Variants in UVRAG observed in about 807,000 individuals in gnomAD.
UVRAG encodes UV radiation resistance associated.
UVRAG carries 19 observed loss-of-function variants against 78.0 expected under a neutral mutation model. The observed-to-expected ratio is 0.24, with a 90% confidence interval of 0.17 to 0.36. The LOEUF (loss-of-function observed/expected upper bound fraction) is 0.36, where lower values mean the gene tolerates loss of function less well. Among genes scored for constraint, UVRAG ranks in the 10% least tolerant of loss-of-function variants. The pLI, the probability that UVRAG is intolerant of heterozygous loss-of-function variation, is 1.00. For missense variants in UVRAG, 740 were observed against 853.8 expected, an observed-to-expected ratio of 0.87 and a Z score of 1.66; for synonymous variants, 323 against 324.6, an observed-to-expected ratio of 1.00 and a Z score of 0.05.
At chr11:76,012,036 A>G (rs1950060278) in intron 11 of UVRAG, among the ~76,000 whole-genome samples, 1 of 152,172 alleles carries the variant, frequency 6.6e-6, no homozygotes, top group Non-Finnish European at 1.5e-5. Context: ...ATATAGTAAC[A>G]TAGGCTGGGC....
intron 1 of UVRAG, among the ~76,000 whole-genome samples, chr11:75,838,660 G>C (rs1945840175): frequency 6.6e-6 from 1 of 152,102 alleles, no homozygotes; most frequent in Non-Finnish European, 1.5e-5. Flanking sequence ...GCCTGCATTT[G>C]TAATTTTGAT....
intron 13 of UVRAG, among the ~76,000 whole-genome samples, chr11:76,113,017 T>C (rs1952107479): frequency 6.6e-6 from 1 of 152,158 alleles, no homozygotes; most frequent in Non-Finnish European, 1.5e-5. Flanking sequence ...TGGCCAGTTT[T>C]AAGATTTTTG....
intron 7 of UVRAG, among the ~76,000 whole-genome samples, chr11:75,978,235 C>T (rs190901223): frequency 6.6e-6 from 1 of 152,210 alleles, no homozygotes; most frequent in Admixed American, 6.5e-5. Flanking sequence ...GCCAAGAGAT[C>T]CGCTGTTAGT....
intron 11 of UVRAG, among the ~76,000 whole-genome samples, chr11:76,011,175 TA>T (rs1436272688): frequency 6.6e-6 from 1 of 152,192 alleles, no homozygotes; most frequent in African/African-American, 2.4e-5. Context: ...TTTAATAAAT[TA>T]GTGTAGCTTT....
At chr11:75,879,063 C>T (rs866217046) in intron 3 of UVRAG, among the ~76,000 whole-genome samples, 1 of 152,274 alleles carries the variant, frequency 6.6e-6, no homozygotes, top group Middle Eastern at 3.4e-3. Context: ...TTTCGACTCC[C>T]TGGACGGTTC....
intron 4 of UVRAG, among the ~76,000 whole-genome samples, chr11:75,882,285 G>A (rs542669780): frequency 6.9e-4 from 105 of 152,156 alleles, no homozygotes; most frequent in African/African-American, 2.4e-3. Context: ...AGGCTGAGGC[G>A]GGAGGATCAC....
At chr11:76,008,113 C>T (rs1042994425) in intron 10 of UVRAG, among the ~76,000 whole-genome samples, 2 of 151,948 alleles carry the variant, frequency 1.3e-5, no homozygotes, top group African/African-American at 4.8e-5. Context: ...GGTTTCACCA[C>T]GTTAGCCAGG....
chr11:76,007,713 GCTT>G (rs1949973848), intron 10 of UVRAG, 92 bp downstream of exon 10: 1 of 967,168 alleles, frequency 1.0e-6, no homozygotes, highest in Admixed American at 2.0e-5. Context: ...ATTGCTTTAG[GCTT>G]AATCATATGC....
At chr11:76,140,561 TGAGACA>T in intron 14 of UVRAG, 144 bp from the exon 15 acceptor site, 1 of 800,296 alleles carries the variant, frequency 1.2e-6, no homozygotes, top group Non-Finnish European at 1.8e-6. Flanking sequence ...TTTTTTGCAT[TGAGACA>T]CTGCAATAAC....
chr11:75,999,205 C>G (rs1185302873), intron 8 of UVRAG, among the ~76,000 whole-genome samples: 3 of 146,768 alleles, frequency 2.0e-5, no homozygotes, highest in African/African-American at 7.6e-5. Flanking sequence ...TACACTCCAG[C>G]CTGGGTGACC....
intron 5 of UVRAG, among the ~76,000 whole-genome samples, chr11:75,906,383 G>C (rs938895972): frequency 1.5e-5 from 2 of 132,686 alleles, no homozygotes; most frequent in Non-Finnish European, 3.2e-5. Context: ...GTCTCACTCT[G>C]TTGCCCAGGC....
At chr11:75,908,448 C>T (rs993523969) in intron 5 of UVRAG, among the ~76,000 whole-genome samples, 36 of 152,036 alleles carry the variant, frequency 2.4e-4, no homozygotes, top group Non-Finnish European at 8.8e-5. Context: ...GAAATAGTTG[C>T]CAGGTTGTGG....
intron 13 of UVRAG, among the ~76,000 whole-genome samples, chr11:76,110,023 G>A (rs74898911): frequency 0.077 from 11,661 of 151,952 alleles, 903 homozygotes; most frequent in African/African-American, 0.21. Context: ...ATGAAAATTA[G>A]CATTTAAAAA....
chr11:76,103,843 A>G (rs1321541602), intron 13 of UVRAG, among the ~76,000 whole-genome samples: 2 of 152,078 alleles, frequency 1.3e-5, no homozygotes, highest in Admixed American at 1.3e-4. Context: ...GGATTAACTT[A>G]GAAACAACGA....
intron 12 of UVRAG, among the ~76,000 whole-genome samples, chr11:76,064,856 G>A (rs746796787): frequency 6.6e-5 from 10 of 152,202 alleles, no homozygotes; most frequent in East Asian, 1.9e-4. Flanking sequence ...ATTGTATATC[G>A]CAGAAGTAAG....
chr11:75,898,310 TC>T (rs1947396994), intron 5 of UVRAG, among the ~76,000 whole-genome samples: 1 of 152,208 alleles, frequency 6.6e-6, no homozygotes, highest in African/African-American at 2.4e-5. Context: ...TTCCTTTCAT[TC>T]CGTGACTTAA....
At chr11:75,826,910 G>A (rs1209474388) in intron 1 of UVRAG, among the ~76,000 whole-genome samples, 1 of 152,086 alleles carries the variant, frequency 6.6e-6, no homozygotes, top group African/African-American at 2.4e-5. Context: ...TGATTGAGAG[G>A]CTGAGACTGA....
At chr11:76,040,972 A>T (rs1950638419) in intron 12 of UVRAG, among the ~76,000 whole-genome samples, 2 of 152,196 alleles carry the variant, frequency 1.3e-5, no homozygotes, top group Non-Finnish European at 1.5e-5. Context: ...CATGCACATT[A>T]CTGCAACCCT....
At chr11:75,857,850 C>G (rs1946328328) in intron 2 of UVRAG, among the ~76,000 whole-genome samples, 3 of 149,332 alleles carry the variant, frequency 2.0e-5, no homozygotes, top group African/African-American at 7.4e-5. Context: ...CCACATGTTT[C>G]TCAGAGAAAG....
Sources: allele counts gnomAD v4.1 joint callset (sites outside exome capture counted in the v4.1 genomes callset), GRCh38; gene constraint gnomAD v4.1.1; transcripts MANE v1.5; gene names NCBI Gene and HGNC (gene_info 2026-07-23, HGNC 2026-07-21).